Variants in VPS13B observed in about 807,000 individuals in gnomAD.
VPS13B encodes the protein intermembrane lipid transfer protein VPS13B.
A neutral mutation model predicts 426.4 loss-of-function variants in VPS13B; 285 were observed. That is an observed-to-expected ratio of 0.67 (90% CI 0.61 to 0.74). The LOEUF is 0.74. Among genes scored for constraint, VPS13B ranks in the 30% least tolerant of loss-of-function variants. VPS13B has a pLI of 0.00. For synonymous variants in VPS13B, 1,676 were observed against 1,676.4 expected (o/e 1.00, Z 0.01); for missense variants, 4,537 against 4,782.6 (o/e 0.95, Z 1.51).
At chr8:99,444,191 C>T (rs2133444280) in intron 23 of VPS13B, among the ~76,000 whole-genome samples, 1 of 151,976 alleles carries the variant, frequency 6.6e-6, no homozygotes, top group South Asian at 2.1e-4. Context: ...CTCCGCCTCC[C>T]AGGTTCAAAC....
intron 3 of VPS13B, among the ~76,000 whole-genome samples, chr8:99,077,516 G>A (rs1410818435): frequency 6.6e-6 from 1 of 151,946 alleles, no homozygotes; most frequent in Non-Finnish European, 1.5e-5. Context: ...AGTTTTCTTG[G>A]TGGGCAGTTT....
At chr8:99,654,673 G>A (rs1829955403) in intron 34 of VPS13B, among the ~76,000 whole-genome samples, 1 of 152,050 alleles carries the variant, frequency 6.6e-6, no homozygotes, top group Non-Finnish European at 1.5e-5. Context: ...CACAACTTTG[G>A]CCTCTGGCAG....
At chr8:99,067,135 G>A (rs553299487) in intron 3 of VPS13B, among the ~76,000 whole-genome samples, 27 of 152,182 alleles carry the variant, frequency 1.8e-4, no homozygotes, top group Admixed American at 4.6e-4. Context: ...CAGCCATCCC[G>A]TTACTAGGTA....
At chr8:99,709,251 A>G (rs1459282721) in intron 36 of VPS13B, among the ~76,000 whole-genome samples, 1 of 152,184 alleles carries the variant, frequency 6.6e-6, no homozygotes, top group African/African-American at 2.4e-5. Flanking sequence ...CAATGTCATC[A>G]TTGACTACTC....
At chr8:99,736,300 C>T (rs1396403139) in intron 39 of VPS13B, among the ~76,000 whole-genome samples, 1 of 152,070 alleles carries the variant, frequency 6.6e-6, no homozygotes. Context: ...AGGCTGGGCG[C>T]GGTGGCTCTC....
chr8:99,247,384 A>G (rs1376642894), intron 17 of VPS13B, among the ~76,000 whole-genome samples: 1 of 152,082 alleles, frequency 6.6e-6, no homozygotes, highest in Non-Finnish European at 1.5e-5. Context: ...CTCTTTTAAA[A>G]ATTTGCCTTC....
At chr8:99,807,023 AT>A (rs1813436822) in intron 43 of VPS13B, among the ~76,000 whole-genome samples, 1 of 152,220 alleles carries the variant, frequency 6.6e-6, no homozygotes, top group Non-Finnish European at 1.5e-5. Context: ...CTAATTGCCA[AT>A]GATATTTAGA....
intron 25 of VPS13B, among the ~76,000 whole-genome samples, chr8:99,489,852 A>G (rs139132704): frequency 0.28 from 43,285 of 151,998 alleles, 7,204 homozygotes; most frequent in East Asian, 0.44. Flanking sequence ...TCTGCAAACA[A>G]GGACAATTTG....
chr8:99,155,383 A>G (rs538968343), intron 14 of VPS13B, among the ~76,000 whole-genome samples: 2 of 152,298 alleles, frequency 1.3e-5, no homozygotes, highest in South Asian at 2.1e-4. Context: ...AAACTAATCT[A>G]TGGCAATTGA....
At chr8:99,338,069 A>G (rs1387855098) in intron 19 of VPS13B, among the ~76,000 whole-genome samples, 1 of 152,198 alleles carries the variant, frequency 6.6e-6, no homozygotes, top group Non-Finnish European at 1.5e-5. Context: ...GTCCATGGTC[A>G]TGCCAGTTAC....
intron 26 of VPS13B, 115 bp downstream of exon 26, chr8:99,501,973 CTTT>C: frequency 3.3e-6 from 4 of 1,211,458 alleles, no homozygotes; most frequent in Non-Finnish European, 4.6e-6. Flanking sequence ...GTCTGTCTGT[CTTT>C]CCGTCTGTCT....
At chr8:99,390,754 G>A (rs1814396973) in intron 20 of VPS13B, among the ~76,000 whole-genome samples, 1 of 152,190 alleles carries the variant, frequency 6.6e-6, no homozygotes, top group Admixed American at 6.5e-5. Flanking sequence ...AACGTTTGAT[G>A]ATTGTTTTCC....
At chr8:99,337,790 C>T (rs768353085) in intron 19 of VPS13B, among the ~76,000 whole-genome samples, 134 of 151,992 alleles carry the variant, frequency 8.8e-4, no homozygotes, top group Non-Finnish European at 1.6e-3. Flanking sequence ...TTGGACTTCT[C>T]TATGAAATCC....
At chr8:99,436,032 C>T (rs529777341) in intron 22 of VPS13B, among the ~76,000 whole-genome samples, 1 of 152,044 alleles carries the variant, frequency 6.6e-6, no homozygotes, top group Admixed American at 6.6e-5. Context: ...AAGGGAATAC[C>T]GTTTTAAAAG....
chr8:99,138,666 A>G (rs1810214403), intron 12 of VPS13B, among the ~76,000 whole-genome samples: 1 of 152,264 alleles, frequency 6.6e-6, no homozygotes, highest in African/African-American at 2.4e-5. Flanking sequence ...TTTTGAGATA[A>G]CTGTGGACAT....
At chr8:99,666,542 A>G (rs1830494014) in intron 35 of VPS13B, among the ~76,000 whole-genome samples, 2 of 152,222 alleles carry the variant, frequency 1.3e-5, no homozygotes, top group African/African-American at 4.8e-5. Context: ...ATATAAACAG[A>G]ACCAAAGACA....
chr8:99,334,808 T>C (rs1213069634), intron 19 of VPS13B, among the ~76,000 whole-genome samples: 2 of 152,136 alleles, frequency 1.3e-5, no homozygotes, highest in Non-Finnish European at 2.9e-5. Context: ...AGGATATTGG[T>C]CTAAAATTCT....
intron 54 of VPS13B, among the ~76,000 whole-genome samples, chr8:99,836,113 TATTTTAAAATTAGTA>T (rs565095198): frequency 3.1e-4 from 47 of 152,332 alleles, no homozygotes; most frequent in African/African-American, 9.4e-4. Context: ...TAAATATGTG[TATTTTAAAATTAGTA>T]ATTTTAAAAT....
At chr8:99,408,822 A>C (rs923109596) in intron 21 of VPS13B, among the ~76,000 whole-genome samples, 2 of 152,156 alleles carry the variant, frequency 1.3e-5, no homozygotes, top group African/African-American at 4.8e-5. Context: ...AGAATGAAGA[A>C]TTACCAAGAA....
Sources: gnomAD v4.1 joint callset for allele counts (sites outside exome capture counted in the v4.1 genomes callset) on GRCh38, gnomAD v4.1.1 for gene constraint, MANE v1.5 for transcripts, NCBI Gene and HGNC (gene_info 2026-07-23, HGNC 2026-07-21) for gene names.